Variants in YAP1 observed in about 807,000 individuals in gnomAD.
YAP1 encodes Yes1 associated transcriptional regulator.
Under a neutral mutation model 56.9 loss-of-function variants are expected in YAP1, and 5 were observed. The ratio of observed to expected loss-of-function variants is 0.09; its 90% confidence interval spans 0.05 to 0.18. The LOEUF is 0.18. Ranked by LOEUF, YAP1 falls within the 10% of genes least tolerant of loss-of-function variation. YAP1 has a pLI of 1.00. For synonymous variants in YAP1, 265 were observed against 248.1 expected, an observed-to-expected ratio of 1.07 and a Z score of -0.64; for missense variants, 539 against 651.8, an observed-to-expected ratio of 0.83 and a Z score of 1.88.
intron 8 of YAP1, 79 bp from the exon 9 acceptor site, chr11:102,229,623 A>T: frequency 7.4e-7 from 1 of 1,355,272 alleles, no homozygotes; most frequent in Non-Finnish European, 1.0e-6. Flanking sequence ...TTCCCTGTGC[A>T]TTTCTCTGTG....
At position 102,111,067 on chromosome 11, in the gene YAP1, G is replaced by A. The variant is rs760222925; in HGVS notation, c.219G>A (p.Met73Ile). The A allele has an allele frequency of 5.6e-6, 9 of 1,613,210 alleles. No homozygotes were observed. In the South Asian group the frequency reaches 9.9e-5, roughly 18 times the overall value. The change falls in exon 1 of 9, where the codon ATG becomes ATA. Residue 73 changes from methionine (M) to isoleucine (I), a missense_variant. Met to Ile is a conservative substitution (Grantham distance 10). This residue lies in a region of YAP1 where 414 missense variants were observed against 512.4 expected (regional missense o/e 0.81). Transcript: ENST00000282441. ...TDLEALFNAV[M>I]NPKTANVPQT... ...TGGAGGCGCTCTTCAACGCCGTCAT[G>A]AACCCCAAGACGGCCAACGTGCCCC... is the stretch of plus-strand genomic sequence containing the variant.
In YAP1 at chr11:102,232,271, G is replaced by C. The variant is rs1211091246; in HGVS notation, c.*2331G>C. ...TAGCTTTAGCTTAGGGGGAGGGTGG[G>C]AAAGTTTGGGGGGGGGGTTGTGAAG... is the stretch of plus-strand genomic sequence containing the variant. On this transcript the variant is annotated 3_prime_UTR_variant, in exon 9 of 9. Transcript: ENST00000282441. The C allele has an allele frequency of 4.2e-5, 4 of 96,352 alleles. No individual in the cohort carries two copies. The highest frequency in any genetic ancestry group is 7.7e-5 in the Non-Finnish European group (4 of 52,126). 6.0% of individuals were successfully genotyped at this position (96,352 alleles called of 1,614,324 possible).
At chr11:102,123,826 A>C (rs1943854451) in intron 2 of YAP1, among the ~76,000 whole-genome samples, 1 of 151,588 alleles carries the variant, frequency 6.6e-6, no homozygotes, top group Admixed American at 6.6e-5. Flanking sequence ...TTTTTAGTAG[A>C]GACGGAGTTT....
chr11:102,133,575 G>C (rs1944499286), intron 2 of YAP1, among the ~76,000 whole-genome samples: 1 of 152,212 alleles, frequency 6.6e-6, no homozygotes, highest in South Asian at 2.1e-4. Flanking sequence ...GGGATTACAG[G>C]CATAAGCCAC....
At position 102,121,271 on chromosome 11, in the gene YAP1, C is replaced by G. The variant is rs565541474; in HGVS notation, c.572+6877C>G. ...TGGGCAATGTAGCAAGATCTCATCT[C>G]TATTAAAAATACAAAAAAATTAGCC... On this transcript the variant is annotated intron_variant, in intron 2 of 8. Coordinates refer to ENST00000282441, the MANE Select transcript of YAP1 (RefSeq NM_001130145.3). Among the ~76,000 whole-genome samples the G allele has an allele frequency of 3.9e-5, 6 of 152,060 alleles. No individual in the cohort carries two copies. In the East Asian group the frequency reaches 9.7e-4, roughly 25 times the overall value.
intron 3 of YAP1, among the ~76,000 whole-genome samples, chr11:102,163,372 C>T (rs1475184398): frequency 2.6e-5 from 4 of 152,268 alleles, no homozygotes; most frequent in East Asian, 1.9e-4. Flanking sequence ...TACTGTCTGG[C>T]GTCTTTCTCC....
chr11:102,184,569 A>G (rs986713836), intron 3 of YAP1, among the ~76,000 whole-genome samples: 1 of 152,180 alleles, frequency 6.6e-6, no homozygotes, highest in African/African-American at 2.4e-5. Flanking sequence ...TACCCCATCA[A>G]AGTAGACCTT....
chr11:102,205,043 A>G (rs1322774591), intron 4 of YAP1, among the ~76,000 whole-genome samples: 1 of 152,180 alleles, frequency 6.6e-6, no homozygotes, highest in Non-Finnish European at 1.5e-5. Flanking sequence ...CCCTCTGCTC[A>G]CTGAGGTTAA....
chr11:102,176,686 C>T (rs1379905844), intron 3 of YAP1, among the ~76,000 whole-genome samples: 1 of 124,064 alleles, frequency 8.1e-6, no homozygotes, highest in Non-Finnish European at 1.6e-5. Flanking sequence ...GCGGAGGTTG[C>T]AGTGAGCTGA....
Position 102,167,198 on chromosome 11 carries a change from C to A in YAP1, c.688+4627C>A, listed in dbSNP as rs535906683. 4.6e-5 allele frequency among the ~76,000 whole-genome samples: 7 copies of A among 152,276 alleles called. No individual in the cohort carries two copies. The South Asian group carries it at 1.4e-3, about 32-fold the overall frequency. ...AAGGTTCTAGAGGCAACACTCAATACATCCTTGGAAGAAGATTAATTTATA... is the reference window on the plus strand; with the variant it reads ...AAGGTTCTAGAGGCAACACTCAATAAATCCTTGGAAGAAGATTAATTTATA... On this transcript the variant is annotated intron_variant, in intron 3 of 8. Coordinates refer to ENST00000282441, the MANE Select transcript of YAP1 (RefSeq NM_001130145.3).
chr11:102,229,994 C>G lies in YAP1; in HGVS notation c.*54C>G. The G allele has an allele frequency of 6.7e-7, 1 of 1,495,084 alleles. No homozygotes were observed. Among genetic ancestry groups the G allele is most frequent in the Non-Finnish European group, 9.2e-7 (1 of 1,083,398 alleles). The allele number at this position is 1,495,084 out of a possible 1,614,324, so 92.6% of individuals were successfully genotyped here. On this transcript the variant is annotated 3_prime_UTR_variant, in exon 9 of 9. Coordinates refer to ENST00000282441, the MANE Select transcript of YAP1 (RefSeq NM_001130145.3). ...TGTGAAGGATCTAAGGAGACACATGCACCGGAAATTTCCATAAGCCAGTTG... is the reference window on the plus strand; with the variant it reads ...TGTGAAGGATCTAAGGAGACACATGGACCGGAAATTTCCATAAGCCAGTTG...
intron 2 of YAP1, among the ~76,000 whole-genome samples, chr11:102,125,526 G>A (rs900775114): frequency 9.9e-5 from 15 of 151,498 alleles, no homozygotes; most frequent in African/African-American, 1.7e-4. Flanking sequence ...ACAGGCATGC[G>A]TCATCATGCC....
chr11:102,175,058 C>G (rs1336018823), intron 3 of YAP1, among the ~76,000 whole-genome samples: 4 of 152,136 alleles, frequency 2.6e-5, no homozygotes, highest in Non-Finnish European at 5.9e-5. Context: ...CATGGGTGAA[C>G]CTGAACTCAG....
rs2135733563 is a variant in YAP1, at chr11:102,230,915, G to T, written c.*975G>T. 2 of 152,268 alleles carry T rather than the reference G, an allele frequency of 1.3e-5. 1 individual carries two copies. The highest frequency in any genetic ancestry group is 3.9e-4 in the East Asian group (2 of 5,192). 9.4% of individuals were successfully genotyped at this position (152,268 alleles called of 1,614,324 possible). Reference sequence around the variant, plus strand: ...ATTTATAATAGTGTGGTAGTGGAATGTATCCTTTTTTAGGTTTCCCTGCTT... The same window carrying T: ...ATTTATAATAGTGTGGTAGTGGAATTTATCCTTTTTTAGGTTTCCCTGCTT... On this transcript the variant is annotated 3_prime_UTR_variant, in exon 9 of 9. Coordinates refer to ENST00000282441, the MANE Select transcript of YAP1 (RefSeq NM_001130145.3).
intron 4 of YAP1, among the ~76,000 whole-genome samples, chr11:102,197,521 A>C (rs921746366): frequency 2.6e-5 from 4 of 152,046 alleles, no homozygotes; most frequent in Non-Finnish European, 2.9e-5. Flanking sequence ...AAAAAAACCT[A>C]TGGTGATGAC....
At chr11:102,128,894 A>G (rs1222587842) in intron 2 of YAP1, among the ~76,000 whole-genome samples, 1 of 152,132 alleles carries the variant, frequency 6.6e-6, no homozygotes, top group Admixed American at 6.6e-5. Flanking sequence ...ACAGCCTTAT[A>G]TAATTATTGG....
intron 2 of YAP1, among the ~76,000 whole-genome samples, chr11:102,155,391 T>C (rs1945881965): frequency 6.6e-6 from 1 of 152,216 alleles, no homozygotes; most frequent in Non-Finnish European, 1.5e-5. Flanking sequence ...TAAATTGTTT[T>C]ATGTTTTGGG....
At chr11:102,136,995 C>T (rs1036858684) in intron 2 of YAP1, among the ~76,000 whole-genome samples, 6 of 152,208 alleles carry the variant, frequency 3.9e-5, no homozygotes, top group East Asian at 3.9e-4. Flanking sequence ...TGTAAAGTTC[C>T]GCAAAGGACC....
chr11:102,202,265 G>A (rs1948902697), intron 4 of YAP1, among the ~76,000 whole-genome samples: 1 of 151,228 alleles, frequency 6.6e-6, no homozygotes, highest in Non-Finnish European at 1.5e-5. Flanking sequence ...CTGGGTTCAA[G>A]CCATTCTCCT....
Sources: allele counts gnomAD v4.1 joint callset (sites outside exome capture counted in the v4.1 genomes callset), GRCh38; gene constraint gnomAD v4.1.1; regional missense constraint gnomAD v4.1.1; transcripts MANE v1.5; gene names NCBI Gene and HGNC (gene_info 2026-07-23, HGNC 2026-07-21).